The following LUZP2 variants were observed in gnomAD, a reference collection of about 807,000 sequenced individuals.
LUZP2 encodes the protein leucine zipper protein 2.
LUZP2 carries 52 observed loss-of-function variants against 51.6 expected under a neutral mutation model. The observed-to-expected ratio is 1.01, with a 90% CI of 0.81 to 1.27. The LOEUF (loss-of-function observed/expected upper bound fraction) is 1.27. Among genes scored for constraint, LUZP2 ranks in the 50% most tolerant of loss-of-function variants. The probability of loss-of-function intolerance (pLI) is 0.00; values close to 1 mark genes in which losing one functional copy is unlikely to be tolerated. For missense variants in LUZP2, 436 were observed against 395.4 expected, an observed-to-expected ratio of 1.10 and a Z score of -0.87; for synonymous variants, 154 against 137.3, an observed-to-expected ratio of 1.12 and a Z score of -0.85.
chr11:25,061,496 A>G (rs6484101), intron 10 of LUZP2, among the ~76,000 whole-genome samples: 146,872 of 152,088 alleles, frequency 0.97, 71,131 homozygotes, highest in East Asian at 1. Flanking sequence ...TTCTCCTTAG[A>G]TCTCCTGTAT....
At chr11:25,046,259 G>A (rs893748394) in intron 9 of LUZP2, among the ~76,000 whole-genome samples, 2 of 150,772 alleles carry the variant, frequency 1.3e-5, no homozygotes, top group African/African-American at 4.9e-5. Context: ...TTATTAGGAA[G>A]GTAGAAGGAA....
intron 5 of LUZP2, among the ~76,000 whole-genome samples, chr11:24,800,249 T>G (rs1191480503): frequency 2.6e-5 from 4 of 152,110 alleles, no homozygotes; most frequent in Non-Finnish European, 4.4e-5. Flanking sequence ...GCAGAATTCT[T>G]GGTGATACTT....
Position 24,896,138 on chromosome 11 carries a change from G to T in LUZP2, c.397-9853G>T, listed in dbSNP as rs140212738. On this transcript the variant is annotated intron_variant, in intron 5 of 11. Coordinates refer to ENST00000336930, the MANE Select transcript of LUZP2 (RefSeq NM_001009909.4). The stretch of plus-strand genomic sequence containing the variant: ...ATTGAGAGATGACAACGTGCTAGCA[G>T]CCCTGGCTGGCCTTCGGTTCCTCCT... Among the ~76,000 whole-genome samples the T allele has an allele frequency of 8.2e-3, 1,256 of 152,326 alleles. 18 individuals are homozygous for T. The highest frequency in any genetic ancestry group is 0.029 in the African/African-American group (1,204 of 41,574).
In LUZP2 at chr11:24,901,421, T is replaced by C. The variant is rs961717941; in HGVS notation, c.397-4570T>C. Reference sequence around the variant, plus strand: ...TCATTAAAAAAAAAAAAAGGTAACTTGAAGAGGATTATAGAAAAGAATATA... The same window carrying C: ...TCATTAAAAAAAAAAAAAGGTAACTCGAAGAGGATTATAGAAAAGAATATA... On this transcript the variant is annotated intron_variant, in intron 5 of 11. Transcript: ENST00000336930. Among the ~76,000 whole-genome samples the C allele has an allele frequency of 6.0e-5, 9 of 150,680 alleles. No individual in the cohort carries two copies. The East Asian group carries it at 1.6e-3, about 26-fold the overall frequency.
chr11:24,719,606 A>C (rs967753615), intron 1 of LUZP2, among the ~76,000 whole-genome samples: 1 of 152,230 alleles, frequency 6.6e-6, no homozygotes, highest in African/African-American at 2.4e-5. Flanking sequence ...ATTGTTTGCA[A>C]ATATGCCCGT....
At chr11:24,683,570 A>C (rs1856811048) in intron 1 of LUZP2, among the ~76,000 whole-genome samples, 1 of 152,382 alleles carries the variant, frequency 6.6e-6, no homozygotes, top group Non-Finnish European at 1.5e-5. Context: ...ATCAGTCTTC[A>C]AAATTAGATG....
intron 1 of LUZP2, among the ~76,000 whole-genome samples, chr11:24,674,791 G>T (rs12284200): frequency 0.21 from 32,282 of 151,804 alleles, 3,691 homozygotes; most frequent in Admixed American, 0.31. Context: ...TGCTCCCTGC[G>T]CATTTAACAA....
At chr11:24,983,570 G>A (rs535945334) in intron 9 of LUZP2, among the ~76,000 whole-genome samples, 2 of 151,740 alleles carry the variant, frequency 1.3e-5, no homozygotes, top group Admixed American at 6.6e-5. Flanking sequence ...GTTGGAATAA[G>A]TTAAAAGAGA....
intron 1 of LUZP2, among the ~76,000 whole-genome samples, chr11:24,650,015 T>C (rs561726277): frequency 6.7e-6 from 1 of 149,684 alleles, no homozygotes; most frequent in African/African-American, 2.4e-5. Context: ...ACAGATAACA[T>C]TTTGATGTTT....
intron 9 of LUZP2, among the ~76,000 whole-genome samples, chr11:25,048,334 C>A (rs1035525515): frequency 1.3e-5 from 2 of 152,114 alleles, no homozygotes; most frequent in African/African-American, 2.4e-5. Context: ...TCAAAAATAA[C>A]CCTCTTCACT....
chr11:24,977,174 G>C (rs1855903030), intron 8 of LUZP2, among the ~76,000 whole-genome samples: 1 of 151,482 alleles, frequency 6.6e-6, no homozygotes, highest in Non-Finnish European at 1.5e-5. Context: ...ACTGTTTACT[G>C]TAAGATAATT....
intron 10 of LUZP2, among the ~76,000 whole-genome samples, chr11:25,064,086 C>T (rs1858927321): frequency 6.8e-6 from 1 of 147,126 alleles, no homozygotes; most frequent in Admixed American, 6.7e-5. Flanking sequence ...ATTCCCATGT[C>T]TGCTTGTTTA....
At chr11:24,730,077 C>G (rs1011936675) in intron 2 of LUZP2, among the ~76,000 whole-genome samples, 4 of 151,586 alleles carry the variant, frequency 2.6e-5, no homozygotes, top group Admixed American at 2.6e-4. Flanking sequence ...CACTCTTCTC[C>G]TTAGCTTTCT....
intron 5 of LUZP2, among the ~76,000 whole-genome samples, chr11:24,858,012 T>A (rs1337781571): frequency 1.3e-5 from 2 of 152,108 alleles, no homozygotes; most frequent in African/African-American, 4.8e-5. Flanking sequence ...CTTTTTTTTA[T>A]TTTTTAATCT....
intron 7 of LUZP2, among the ~76,000 whole-genome samples, chr11:24,941,218 T>G (rs527714038): frequency 3.9e-5 from 6 of 152,340 alleles, no homozygotes; most frequent in African/African-American, 1.4e-4. Context: ...GTAACAAACT[T>G]TAACTCATAT....
chr11:24,742,722 G>C (rs1859228637), intron 4 of LUZP2, among the ~76,000 whole-genome samples: 2 of 152,088 alleles, frequency 1.3e-5, no homozygotes, highest in South Asian at 4.1e-4. Flanking sequence ...ATTTATCTTT[G>C]TTTTTATTGC....
In LUZP2 at chr11:24,606,008, A is replaced by G. The variant is rs1236786184; in HGVS notation, c.62+108703A>G. On this transcript the variant is annotated intron_variant, in intron 1 of 11. Coordinates refer to ENST00000336930, the MANE Select transcript of LUZP2 (RefSeq NM_001009909.4). ...ACTTAGCATAATGTCTTCCAGTTGCATTTATATTGTCACAAATGACAGAAT... is the reference window on the plus strand; with the variant it reads ...ACTTAGCATAATGTCTTCCAGTTGCGTTTATATTGTCACAAATGACAGAAT... Among the ~76,000 whole-genome samples, 5 of 151,962 alleles carry G rather than the reference A, an allele frequency of 3.3e-5. No individual in the cohort carries two copies. The East Asian group carries it at 9.7e-4, about 29-fold the overall frequency.
intron 4 of LUZP2, among the ~76,000 whole-genome samples, chr11:24,756,074 T>C (rs564266049): frequency 6.6e-6 from 1 of 152,152 alleles, no homozygotes; most frequent in Non-Finnish European, 1.5e-5. Context: ...ACCCCCCTTA[T>C]GTTAACCCCA....
intron 7 of LUZP2, 35 bp downstream of exon 7, chr11:24,914,573 C>T: frequency 7.3e-7 from 1 of 1,364,432 alleles, no homozygotes; most frequent in East Asian, 2.3e-5. Flanking sequence ...CTGAAACTTG[C>T]TAGCTCAATA....
Sources: gnomAD v4.1 joint callset for allele counts (sites outside exome capture counted in the v4.1 genomes callset) on GRCh38, gnomAD v4.1.1 for gene constraint, MANE v1.5 for transcripts, NCBI Gene and HGNC (gene_info 2026-07-23, HGNC 2026-07-21) for gene names.